Variants in SUMF1 observed in about 807,000 individuals in gnomAD.
SUMF1 encodes sulfatase modifying factor 1, also known as formylglycine-generating enzyme.
In SUMF1, 48 loss-of-function variants were observed where a neutral mutation model predicts 47.6. The observed-to-expected ratio is 1.01, with a 90% CI of 0.80 to 1.28. The LOEUF is 1.28. Ranked by LOEUF, SUMF1 falls within the 50% of genes most tolerant of loss-of-function variation. The pLI is 0.00. For synonymous variants in SUMF1, 230 were observed against 192.1 expected (o/e 1.20, Z -1.63); for missense variants, 571 against 485.4 (o/e 1.18, Z -1.66).
chr3:4,151,602 G>C (rs943326344), intron 8 of SUMF1, among the ~76,000 whole-genome samples: 1 of 142,646 alleles, frequency 7.0e-6, no homozygotes, highest in African/African-American at 2.8e-5. Context: ...CAAGTATATA[G>C]AGCAGAGGTG....
chr3:4,331,450 C>T (rs529481176), intron 8 of SUMF1, among the ~76,000 whole-genome samples: 3 of 148,874 alleles, frequency 2.0e-5, no homozygotes, highest in African/African-American at 7.8e-5. Context: ...GGAGGTAAGC[C>T]GTTTTAATTA....
At chr3:4,232,652 T>C (rs868262818) in intron 8 of SUMF1, among the ~76,000 whole-genome samples, 5 of 152,224 alleles carry the variant, frequency 3.3e-5, no homozygotes, top group South Asian at 2.1e-4. Flanking sequence ...GTTGTATCTG[T>C]ATTTGTTTGG....
intron 9 of SUMF1, among the ~76,000 whole-genome samples, chr3:4,035,913 G>A (rs1351140367): frequency 3.3e-5 from 5 of 152,090 alleles, no homozygotes; most frequent in Non-Finnish European, 5.9e-5. Flanking sequence ...GGGGGTGAGT[G>A]GACAGGGTTG....
intron 9 of SUMF1, among the ~76,000 whole-genome samples, chr3:4,067,526 T>A (rs998174697): frequency 3.3e-5 from 5 of 152,178 alleles, no homozygotes; most frequent in African/African-American, 9.7e-5. Context: ...CAAGAAAAAC[T>A]GACCCCAAGT....
At chr3:4,174,490 G>A (rs1694912610) in intron 8 of SUMF1, among the ~76,000 whole-genome samples, 1 of 152,024 alleles carries the variant, frequency 6.6e-6, no homozygotes, top group East Asian at 1.9e-4. Context: ...AATCACTTCA[G>A]CTCAGGAGTT....
intron 8 of SUMF1, among the ~76,000 whole-genome samples, chr3:4,290,417 G>A (rs1439423887): frequency 6.6e-6 from 1 of 152,078 alleles, no homozygotes; most frequent in Non-Finnish European, 1.5e-5. Context: ...ATGCAAAATG[G>A]GTATTTTATC....
intron 8 of SUMF1, among the ~76,000 whole-genome samples, chr3:4,143,518 G>A (rs894359280): frequency 3.9e-5 from 6 of 152,082 alleles, no homozygotes; most frequent in Non-Finnish European, 8.8e-5. Context: ...GGGCCCGAAT[G>A]AAAGTCATCA....
Position 4,268,959 on chromosome 3 carries a change from T to C in SUMF1, c.1014+107371A>G, listed in dbSNP as rs1032308799. ...CAAATCATAGCATGCTCCGGTAGTATAAGGAAACTGTTCATAGGTCTAAAA... is the reference window on the plus strand; with the variant it reads ...CAAATCATAGCATGCTCCGGTAGTACAAGGAAACTGTTCATAGGTCTAAAA... On this transcript the variant is annotated intron_variant and NMD_transcript_variant, in intron 8 of 12. Transcript: ENST00000448413. Among the ~76,000 whole-genome samples, 22 of 152,282 alleles carry C rather than the reference T, an allele frequency of 1.4e-4. 1 individual carries two copies. Among genetic ancestry groups the C allele is most frequent in the Admixed American group, 5.2e-4 (8 of 15,282 alleles).
chr3:4,313,428 C>T, intron 8 of SUMF1: 1 of 1,614,008 alleles, frequency 6.2e-7, no homozygotes, highest in Admixed American at 1.7e-5. Flanking sequence ...GTGAGCCAAA[C>T]CTTTTGATGA....
downstream of SUMF1, among the ~76,000 whole-genome samples, chr3:4,360,201 TGTTC>T (rs1250456042): frequency 8.0e-5 from 11 of 138,160 alleles, no homozygotes; most frequent in African/African-American, 3.3e-4. Context: ...TACCAATGTT[TGTTC>T]TTTTTTTTTT....
At chr3:4,303,939 G>A (rs1329052961) in intron 8 of SUMF1, 2 of 1,112,586 alleles carry the variant, frequency 1.8e-6, no homozygotes, top group African/African-American at 3.3e-5. Context: ...CCTCGAGTCA[G>A]CCTTAGCTGT....
intron 8 of SUMF1, among the ~76,000 whole-genome samples, chr3:4,347,391 A>G (rs57442035): frequency 0.02 from 3,025 of 152,322 alleles, 98 homozygotes; most frequent in African/African-American, 0.069. Flanking sequence ...ACACAAATCA[A>G]TAAACATAAT....
intron 8 of SUMF1, among the ~76,000 whole-genome samples, chr3:4,121,238 A>G (rs1297370923): frequency 6.6e-6 from 1 of 152,186 alleles, no homozygotes; most frequent in Admixed American, 6.5e-5. Flanking sequence ...AGTTTCAAAA[A>G]GAACATAATT....
At position 4,442,405 on chromosome 3, in the gene SUMF1, A is replaced by G. The variant is rs544865630; in HGVS notation, c.519+6861T>C. Among the ~76,000 whole-genome samples, 169 of 131,890 alleles carry G rather than the reference A, an allele frequency of 1.3e-3. 1 individual carries two copies. Among genetic ancestry groups the G allele is most frequent in the African/African-American group, 3.8e-3 (144 of 38,008 alleles). The allele number at this position is 131,890 out of a possible 152,430, so 86.5% of individuals were successfully genotyped here. ...CGAGTAGCTGGGACTACAGGCGCCCAACACCACGCCCGGCTAATTTTTTTT... is the reference window on the plus strand; with the variant it reads ...CGAGTAGCTGGGACTACAGGCGCCCGACACCACGCCCGGCTAATTTTTTTT... On this transcript the variant is annotated intron_variant, in intron 3 of 8. Transcript: ENST00000272902.
intron 8 of SUMF1, among the ~76,000 whole-genome samples, chr3:4,077,444 G>A (rs763672245): frequency 5.0e-4 from 76 of 152,042 alleles, no homozygotes; most frequent in Non-Finnish European, 6.9e-4. Context: ...AAGAAAATGT[G>A]GCACATACAC....
At chr3:4,244,872 C>G (rs1381565598) in intron 8 of SUMF1, among the ~76,000 whole-genome samples, 1 of 151,462 alleles carries the variant, frequency 6.6e-6, no homozygotes, top group African/African-American at 2.4e-5. Context: ...CCCCATACAC[C>G]AGTCAAACAT....
chr3:4,322,798 C>A lies in SUMF1; in HGVS notation c.1014+53532G>T, dbSNP rs1480647658. On this transcript the variant is annotated intron_variant and NMD_transcript_variant, in intron 8 of 12. Coordinates refer to the SUMF1 transcript ENST00000448413. ...AAAGCAGTTTGGCAGTTTCTCAAAG[C>A]TCACATACAATTACCACATGTCCCA... Among the ~76,000 whole-genome samples, 3 of 152,136 alleles carry A rather than the reference C, an allele frequency of 2.0e-5. No homozygotes were observed. In the East Asian group the frequency reaches 5.8e-4, roughly 29 times the overall value.
At chr3:4,463,751 C>T (rs954166205) in intron 1 of SUMF1, among the ~76,000 whole-genome samples, 2 of 152,204 alleles carry the variant, frequency 1.3e-5, no homozygotes, top group African/African-American at 4.8e-5. Context: ...CACCTACAAT[C>T]TTAGCATCCC....
intron 8 of SUMF1, among the ~76,000 whole-genome samples, chr3:4,152,072 C>T (rs1307365532): frequency 6.6e-6 from 1 of 151,434 alleles, no homozygotes; most frequent in East Asian, 1.9e-4. Flanking sequence ...CCAATATTCC[C>T]GAGACCAGAC....
Sources: allele counts gnomAD v4.1 joint callset (sites outside exome capture counted in the v4.1 genomes callset), GRCh38; gene constraint gnomAD v4.1.1; transcripts MANE v1.5; gene names NCBI Gene and HGNC (gene_info 2026-07-23, HGNC 2026-07-21).